NBPF20: variants seen among roughly 807,000 people sequenced by gnomAD.
NBPF20 encodes the protein NBPF member 20, also known as NBPF family member NBPF20.
In NBPF20, 90 loss-of-function variants were observed where a neutral mutation model predicts 68.1. The ratio of observed to expected loss-of-function variants is 1.32; its 90% confidence interval spans 1.11 to 1.58. NBPF20 has a LOEUF of 1.58. NBPF20 is among the 40% of genes most tolerant of loss of function. The probability of loss-of-function intolerance (pLI) is 0.00; values close to 1 mark genes in which losing one functional copy is unlikely to be tolerated. For synonymous variants in NBPF20, 290 were observed against 228.1 expected (o/e 1.27, Z -2.45); for missense variants, 816 against 601.2 (o/e 1.36, Z -3.74).
At chr1:145,419,449 G>A in the NBPF20 span, among the ~76,000 whole-genome samples, 3 of 152,132 alleles carry the variant, frequency 2.0e-5, no homozygotes, top group Non-Finnish European at 2.9e-5. Flanking sequence ...TGTTGCCAGA[G>A]ACACTGAGTC....
At chr1:145,397,703 C>G (rs1662324970) in intron 7 of NBPF20, among the ~76,000 whole-genome samples, 1 of 152,196 alleles carries the variant, frequency 6.6e-6, no homozygotes, top group African/African-American at 2.4e-5. Context: ...CAGCTAATAT[C>G]ATAACGACAG....
chr1:145,411,428 G>T, the NBPF20 span, among the ~76,000 whole-genome samples: 1 of 91,176 alleles, frequency 1.1e-5, no homozygotes, highest in Non-Finnish European at 2.0e-5. Context: ...GTCTTGCTCT[G>T]TTACCCAGGC....
chr1:145,392,756 T>G lies in NBPF20; in HGVS notation c.1216+318A>C, dbSNP rs1478525289. 1.4e-3 allele frequency among the ~76,000 whole-genome samples: 112 copies of G among 80,804 alleles called. 22 individuals carry two copies. In the South Asian group the frequency reaches 0.042, roughly 30 times the overall value. The allele number at this position is 80,804 out of a possible 152,430, so 53.0% of individuals were successfully genotyped here. A position where few individuals can be genotyped will look rare whatever the true frequency, so the allele number is the denominator to read the frequency against. On this transcript the variant is annotated intron_variant, in intron 10 of 137. Coordinates refer to ENST00000369373, the Ensembl canonical transcript of NBPF20. ...TAGACGCTGAAATTAGAGTGAAGGA[T>G]GAAATCTACAAGATCTACAAAATTG...
the NBPF20 span, among the ~76,000 whole-genome samples, chr1:145,410,638 C>CT: frequency 1.3e-5 from 2 of 149,922 alleles, no homozygotes; most frequent in African/African-American, 4.9e-5. Flanking sequence ...TCTGAAGTAT[C>CT]TAAGTCTTTT....
At position 145,290,984 on chromosome 1, in the gene NBPF20, T is replaced by G. The variant is rs1373245491; in HGVS notation, c.*542A>C. ...CAATTGGAGGCTGAAGGACTGTGGC[T>G]TCTCTAACCAAAGGAGCCTAGCGGG... On this transcript the variant is annotated 3_prime_UTR_variant, in exon 138 of 138. Transcript: ENST00000369373. 3.2e-5 allele frequency: 5 copies of G among 157,012 alleles called. No individual in the cohort carries two copies. The East Asian group carries it at 5.0e-4, about 16-fold the overall frequency. 9.7% of individuals were successfully genotyped at this position (157,012 alleles called of 1,614,324 possible). A position where few individuals can be genotyped will look rare whatever the true frequency, so the allele number is the denominator to read the frequency against.
chr1:145,393,010 T>C, intron 10 of NBPF20, 64 bp downstream of exon 15: 1 of 391,672 alleles, frequency 2.6e-6, no homozygotes, highest in Non-Finnish European at 4.3e-6. Flanking sequence ...CCACTTGCAG[T>C]AGGAATATGA....
intron 136 of NBPF20, among the ~76,000 whole-genome samples, 174 bp from the exon 142 acceptor site, chr1:145,292,663 T>TAA (rs1553658446): frequency 6.8e-6 from 1 of 147,380 alleles, no homozygotes; most frequent in East Asian, 1.9e-4. Context: ...TTCCTCGGTT[T>TAA]TTCTCCCAGA....
Position 145,403,304 on chromosome 1 carries a change from T to C in NBPF20, c.190A>G (p.Lys64Glu). The C allele has an allele frequency of 1.9e-6, 3 of 1,608,598 alleles. No individual in the cohort carries two copies. The South Asian group carries it at 3.3e-5, about 18-fold the overall frequency. Reference sequence around the variant, plus strand: ...CTCAGCATAGATTTTATGAGGTCTTTGCACTCTTCATATTCTGAGAAAAGA... The same window carrying C: ...CTCAGCATAGATTTTATGAGGTCTTCGCACTCTTCATATTCTGAGAAAAGA... Residue 64 changes from lysine to glutamate, a missense_variant, in exon 3 of 138, where the codon AAA becomes GAA. By Grantham distance (56) the Lys-to-Glu change is moderately conservative (BLOSUM62 1). Transcript: ENST00000369373.
chr1:145,366,777 C>G (rs1661707926), intron 43 of NBPF20, among the ~76,000 whole-genome samples: 1 of 25,972 alleles, frequency 3.9e-5, no homozygotes, highest in Non-Finnish European at 6.5e-5. Context: ...CATGAGAATA[C>G]AGTTTTTGAA....
chr1:145,291,606 A>G (rs782205054), exon 138 of NBPF20: 28 of 1,611,860 alleles, frequency 1.7e-5, no homozygotes, highest in African/African-American at 1.3e-4. Flanking sequence ...TTGTCCACGT[A>G]AAGGGCGAAG....
chr1:145,298,378 A>G (rs1661343101), intron 129 of NBPF20, among the ~76,000 whole-genome samples: 2 of 144,230 alleles, frequency 1.4e-5, no homozygotes, highest in Admixed American at 6.7e-5. Context: ...ACAGACACAC[A>G]CACACACACA....
chr1:145,295,235 A>G (rs1661276328), intron 133 of NBPF20: 3 of 574,506 alleles, frequency 5.2e-6, no homozygotes, highest in Admixed American at 6.6e-5. Context: ...TGAAGGGGTC[A>G]AAGGACACTC....
the NBPF20 span, among the ~76,000 whole-genome samples, chr1:145,421,286 T>C: frequency 6.6e-6 from 1 of 152,234 alleles, no homozygotes; most frequent in Non-Finnish European, 1.5e-5. Flanking sequence ...GGTCTATCTG[T>C]ACACGTATAT....
chr1:145,292,455 C>G (rs587597248), exon 137 of NBPF20: 9 of 716,944 alleles, frequency 1.3e-5, no homozygotes, highest in African/African-American at 2.1e-5. Context: ...ATCTTCTTCC[C>G]CTTCTTTTCT....
intron 6 of NBPF20, among the ~76,000 whole-genome samples, chr1:145,399,748 GC>G (rs1230556997): frequency 1.5e-5 from 2 of 130,224 alleles, no homozygotes; most frequent in Non-Finnish European, 3.2e-5. Context: ...CTGCACTCCA[GC>G]CTGGGTGACA....
At chr1:145,292,326 C>G in intron 137 of NBPF20, 55 bp downstream of exon 142, 1 of 637,074 alleles carries the variant, frequency 1.6e-6, no homozygotes, top group Non-Finnish European at 2.8e-6. Flanking sequence ...TTCCCTGAAT[C>G]TGTTGCCTCC....
chr1:145,423,628 T>C, the NBPF20 span, among the ~76,000 whole-genome samples: 1 of 151,816 alleles, frequency 6.6e-6, no homozygotes, highest in East Asian at 1.9e-4. Flanking sequence ...GATAAAAAGA[T>C]TTAACAGGCA....
chr1:145,291,362 G>C (rs1304143715), exon 138 of NBPF20: 46 of 1,498,704 alleles, frequency 3.1e-5, no homozygotes, highest in Admixed American at 7.5e-5. Flanking sequence ...TCTTCAGACT[G>C]AGCACAGGTT....
chr1:145,405,076 A>T, intron 2 of NBPF20, 22 bp downstream of exon 7: 1 of 1,613,206 alleles, frequency 6.2e-7, no homozygotes, highest in Admixed American at 1.7e-5. Context: ...CACTTTCATG[A>T]TGGTGAGCCT....
Sources: allele counts gnomAD v4.1 joint callset (sites outside exome capture counted in the v4.1 genomes callset), GRCh38; gene constraint gnomAD v4.1.1; transcripts MANE v1.5; gene names NCBI Gene and HGNC (gene_info 2026-07-23, HGNC 2026-07-21).